EPC1: variants seen among roughly 807,000 people sequenced by gnomAD.
EPC1 encodes the protein enhancer of polycomb 1, also known as enhancer of polycomb homolog 1.
A neutral mutation model predicts 98.4 loss-of-function variants in EPC1; 12 were observed. The ratio of observed to expected loss-of-function variants is 0.12; its 90% CI spans 0.08 to 0.20. The LOEUF is 0.20. Among genes scored for constraint, EPC1 ranks in the 10% least tolerant of loss-of-function variants. The pLI is 1.00. For synonymous variants in EPC1, 357 were observed against 363.9 expected, an observed-to-expected ratio of 0.98 and a Z score of 0.21; for missense variants, 729 against 990.5, an observed-to-expected ratio of 0.74 and a Z score of 3.54.
At chr10:32,297,022 A>G (rs553643070) in intron 2 of EPC1, among the ~76,000 whole-genome samples, 1 of 152,202 alleles carries the variant, frequency 6.6e-6, no homozygotes, top group African/African-American at 2.4e-5. Context: ...TCATTTGACC[A>G]AAAAACCCAC....
chr10:32,334,223 A>T (rs937407466), intron 1 of EPC1, among the ~76,000 whole-genome samples: 1 of 152,152 alleles, frequency 6.6e-6, no homozygotes, highest in Non-Finnish European at 1.5e-5. Flanking sequence ...CTTTGATAGG[A>T]ATGTTTTATA....
rs1236230167 is a variant in EPC1 at position 32,347,091 on chromosome 10, C to G, written c.-176G>C. 1.2e-5 allele frequency: 17 copies of G among 1,443,250 alleles called. No homozygotes were observed. Among genetic ancestry groups the G allele is most frequent in the African/African-American group, 4.3e-5 (3 of 69,770 alleles). The allele number at this position is 1,443,250 out of a possible 1,614,324, so 89.4% of individuals were successfully genotyped here. Reference sequence around the variant, plus strand: ...CGGGAGGGTGGGAGGCTGTGCCGCTCCGCTCCTCTCTCGCTCGCTCTCTTC... The same window carrying G: ...CGGGAGGGTGGGAGGCTGTGCCGCTGCGCTCCTCTCTCGCTCGCTCTCTTC... On this transcript the variant is annotated 5_prime_UTR_variant, in exon 1 of 14. Coordinates refer to ENST00000319778, the MANE Select transcript of EPC1 (RefSeq NM_001272004.3).
At chr10:32,290,505 A>AAAAGAAAGAAAG (rs1564527672) in intron 6 of EPC1, among the ~76,000 whole-genome samples, 4,124 of 76,642 alleles carry the variant, frequency 0.054, 618 homozygotes, top group Middle Eastern at 0.14. Flanking sequence ...AAAAAAAAAA[A>AAAAGAAAGAAAG]AAAGAAAGAA....
intron 1 of EPC1, among the ~76,000 whole-genome samples, chr10:32,343,907 A>G (rs1230666719): frequency 6.6e-6 from 1 of 152,232 alleles, no homozygotes; most frequent in African/African-American, 2.4e-5. Context: ...AATTCTGCAG[A>G]TTATTTTGAT....
At chr10:32,341,183 C>G (rs1319995078) in intron 1 of EPC1, among the ~76,000 whole-genome samples, 2 of 152,186 alleles carry the variant, frequency 1.3e-5, no homozygotes, top group Non-Finnish European at 2.9e-5. Context: ...CTGCTTTTAA[C>G]TAACTGCTGT....
At chr10:32,345,387 AGTTTT>A in intron 1 of EPC1, 1 of 985,440 alleles carries the variant, frequency 1.0e-6, no homozygotes, top group Non-Finnish European at 1.2e-6. Flanking sequence ...GAGTTTAAAC[AGTTTT>A]ATTTCCAAAA....
chr10:32,309,796 C>T (rs549868819), intron 1 of EPC1, among the ~76,000 whole-genome samples: 3 of 149,748 alleles, frequency 2.0e-5, no homozygotes, highest in Non-Finnish European at 4.4e-5. Flanking sequence ...TCAGGTTTCT[C>T]ATTTATTTTT....
At chr10:32,353,489 A>G (rs946447340) in intron 1 of EPC1, among the ~76,000 whole-genome samples, 1 of 152,228 alleles carries the variant, frequency 6.6e-6, no homozygotes, top group Non-Finnish European at 1.5e-5. Flanking sequence ...TGATGGGACA[A>G]CAAGATTAAA....
chr10:32,378,155 T>G (rs1012046808), intron 1 of EPC1, among the ~76,000 whole-genome samples: 1 of 152,130 alleles, frequency 6.6e-6, no homozygotes, highest in South Asian at 2.1e-4. Flanking sequence ...ACAAATTAGG[T>G]AAGACATAAT....
At chr10:32,346,077 G>GAC (rs1326301630) in intron 1 of EPC1, among the ~76,000 whole-genome samples, 1 of 152,174 alleles carries the variant, frequency 6.6e-6, no homozygotes, top group Non-Finnish European at 1.5e-5. Context: ...CCAGAAAGAG[G>GAC]ACACTGAAAG....
At chr10:32,297,034 C>T (rs1835211213) in intron 2 of EPC1, among the ~76,000 whole-genome samples, 1 of 152,084 alleles carries the variant, frequency 6.6e-6, no homozygotes, top group African/African-American at 2.4e-5. Context: ...AAAACCCACA[C>T]CCAACAACCT....
intron 1 of EPC1, among the ~76,000 whole-genome samples, chr10:32,328,579 T>C (rs1475079825): frequency 1.3e-5 from 2 of 152,160 alleles, no homozygotes; most frequent in Non-Finnish European, 1.5e-5. Flanking sequence ...CTAAGGAAGA[T>C]GATGGAAAAG....
intron 2 of EPC1, among the ~76,000 whole-genome samples, chr10:32,299,027 A>G (rs1162387875): frequency 1.3e-5 from 2 of 152,218 alleles, no homozygotes; most frequent in African/African-American, 2.4e-5. Flanking sequence ...GAACACCTGC[A>G]TACTCTTTAC....
chr10:32,300,352 G>T (rs371435435), intron 2 of EPC1, among the ~76,000 whole-genome samples: 1 of 150,642 alleles, frequency 6.6e-6, no homozygotes, highest in African/African-American at 2.4e-5. Context: ...CCATTAACTC[G>T]TCATTTACAT....
At chr10:32,363,846 A>G (rs1397846167) in intron 1 of EPC1, among the ~76,000 whole-genome samples, 1 of 152,108 alleles carries the variant, frequency 6.6e-6, no homozygotes, top group Non-Finnish European at 1.5e-5. Flanking sequence ...TTGAAAAGCA[A>G]TAGCTCTTCA....
At chr10:32,368,257 C>T (rs1839655660) in intron 1 of EPC1, among the ~76,000 whole-genome samples, 1 of 152,218 alleles carries the variant, frequency 6.6e-6, no homozygotes, top group African/African-American at 2.4e-5. Context: ...TTTCTAGGTT[C>T]CCCAGCTTGG....
chr10:32,296,529 C>T (rs1056437617), intron 2 of EPC1, among the ~76,000 whole-genome samples: 21 of 152,174 alleles, frequency 1.4e-4, no homozygotes, highest in Non-Finnish European at 2.2e-4. Context: ...CAGGGTCTTT[C>T]CCTCTGACAT....
intron 1 of EPC1, among the ~76,000 whole-genome samples, chr10:32,331,091 ATTTTC>A (rs1484770447): frequency 6.6e-6 from 1 of 152,176 alleles, no homozygotes; most frequent in Admixed American, 6.5e-5. Context: ...AAAGACTGCT[ATTTTC>A]TTTTAAATTG....
rs61191106 is a variant in EPC1, at chr10:32,372,435, C to G, written c.3+6056G>C. On this transcript the variant is annotated intron_variant, in intron 1 of 13. Coordinates refer to the EPC1 transcript ENST00000375110. ...ATGGATGCCAATATTCCATCTGGAC[C>G]TAATGTTATGAATCATGAATTTACC... Among the ~76,000 whole-genome samples the G allele has an allele frequency of 8.2e-3, 1,254 of 152,290 alleles. 21 individuals carry two copies. Among genetic ancestry groups the G allele is most frequent in the African/African-American group, 0.027 (1,120 of 41,546 alleles).
Sources: gnomAD v4.1 joint callset for allele counts (sites outside exome capture counted in the v4.1 genomes callset) on GRCh38, gnomAD v4.1.1 for gene constraint, MANE v1.5 for transcripts, NCBI Gene and HGNC (gene_info 2026-07-23, HGNC 2026-07-21) for gene names.